The following CDH18 variants were observed in gnomAD, a reference collection of about 807,000 sequenced individuals.
CDH18 encodes the protein cadherin 18.
In CDH18, 31 loss-of-function variants were observed where a neutral mutation model predicts 67.9. That is an observed-to-expected ratio of 0.46 (90% CI 0.34 to 0.62). The LOEUF (loss-of-function observed/expected upper bound fraction) is 0.62. Ranked by LOEUF, CDH18 falls within the 20% of genes least tolerant of loss-of-function variation. The pLI is 0.01. For synonymous variants in CDH18, 362 were observed against 347.2 expected (o/e 1.04, Z -0.48); for missense variants, 890 against 975.5 (o/e 0.91, Z 1.17).
At chr5:19,792,214 T>C (rs536682971) in intron 3 of CDH18, among the ~76,000 whole-genome samples, 43 of 152,236 alleles carry the variant, frequency 2.8e-4, no homozygotes, top group African/African-American at 1.0e-3. Flanking sequence ...ATCTCATCTT[T>C]TGAGGGTCTA....
chr5:20,175,570 C>T (rs1561851536), intron 2 of CDH18, among the ~76,000 whole-genome samples: 1 of 152,076 alleles, frequency 6.6e-6, no homozygotes, highest in African/African-American at 2.4e-5. Flanking sequence ...TACAGCTAGC[C>T]TCTAATTTCG....
intron 2 of CDH18, among the ~76,000 whole-genome samples, chr5:19,911,716 C>G (rs149745578): frequency 2.0e-5 from 3 of 151,800 alleles, no homozygotes; most frequent in East Asian, 3.9e-4. Context: ...GTGAGATTCT[C>G]TAGAACTGTG....
At chr5:20,373,700 T>C (rs1472435441) in intron 1 of CDH18, among the ~76,000 whole-genome samples, 4 of 152,044 alleles carry the variant, frequency 2.6e-5, no homozygotes, top group African/African-American at 7.2e-5. Flanking sequence ...GAACTATGCC[T>C]ACCTGATTGT....
In CDH18 at chr5:19,816,398, A is replaced by G. The variant is rs144454694; in HGVS notation, c.228+22361T>C. Among the ~76,000 whole-genome samples the G allele has an allele frequency of 2.6e-5, 4 of 152,024 alleles. No individual in the cohort carries two copies. In the East Asian group the frequency reaches 7.7e-4, roughly 29 times the overall value. ...TATGCATTTATGGAGCACAACATCT[A>G]GCTAATCACAAGGACTTAGCACTTG... is the stretch of plus-strand genomic sequence containing the variant. On this transcript the variant is annotated intron_variant, in intron 3 of 12. Coordinates refer to ENST00000382275, the MANE Select transcript of CDH18 (RefSeq NM_004934.5).
chr5:20,262,969 A>G (rs1201082369), intron 1 of CDH18, among the ~76,000 whole-genome samples: 2 of 131,316 alleles, frequency 1.5e-5, no homozygotes, highest in African/African-American at 5.6e-5. Flanking sequence ...AATGGGGGAA[A>G]GAAGGGAAGG....
intron 7 of CDH18, among the ~76,000 whole-genome samples, chr5:19,581,747 A>G (rs1342663447): frequency 6.6e-6 from 1 of 152,068 alleles, no homozygotes; most frequent in African/African-American, 2.4e-5. Flanking sequence ...GACCAGGAAT[A>G]GTGACTGACA....
intron 5 of CDH18, among the ~76,000 whole-genome samples, chr5:19,672,277 G>A (rs541064959): frequency 1.3e-5 from 2 of 152,220 alleles, no homozygotes; most frequent in East Asian, 3.9e-4. Context: ...GGTCCAGCAA[G>A]TATTCTCACT....
intron 2 of CDH18, among the ~76,000 whole-genome samples, chr5:19,872,883 T>C (rs1444239610): frequency 6.6e-6 from 1 of 152,198 alleles, no homozygotes; most frequent in Non-Finnish European, 1.5e-5. Context: ...ATGTTTGTAC[T>C]TAATCTTTCC....
At chr5:19,936,089 G>A (rs1400301099) in intron 2 of CDH18, among the ~76,000 whole-genome samples, 2 of 151,158 alleles carry the variant, frequency 1.3e-5, no homozygotes, top group Non-Finnish European at 3.0e-5. Context: ...TAACACTGAG[G>A]CTTTAAGTTT....
chr5:20,043,731 G>C (rs1199151831), intron 2 of CDH18, among the ~76,000 whole-genome samples: 1 of 152,172 alleles, frequency 6.6e-6, no homozygotes, highest in African/African-American at 2.4e-5. Flanking sequence ...CTGTGACTTG[G>C]AAACTGGAAT....
At chr5:19,933,021 C>T (rs893574286) in intron 2 of CDH18, among the ~76,000 whole-genome samples, 1 of 151,370 alleles carries the variant, frequency 6.6e-6, no homozygotes, top group African/African-American at 2.4e-5. Flanking sequence ...ATACCTAATA[C>T]CTTATAGGTA....
At chr5:20,350,025 G>T (rs1455512193) in intron 1 of CDH18, among the ~76,000 whole-genome samples, 1 of 152,082 alleles carries the variant, frequency 6.6e-6, no homozygotes, top group Admixed American at 6.6e-5. Context: ...AGCAGAAATA[G>T]TAAAGCCTGG....
At chr5:20,272,300 C>G (rs1222549635) in intron 1 of CDH18, among the ~76,000 whole-genome samples, 1 of 151,818 alleles carries the variant, frequency 6.6e-6, no homozygotes, top group Non-Finnish European at 1.5e-5. Context: ...TGGATTGGGT[C>G]AAAGGTTCAA....
At chr5:19,702,032 C>T (rs758166162) in intron 5 of CDH18, among the ~76,000 whole-genome samples, 6 of 151,986 alleles carry the variant, frequency 3.9e-5, no homozygotes, top group Non-Finnish European at 8.8e-5. Context: ...CCCTTAAGCT[C>T]CTGCTTTAAG....
chr5:19,901,382 C>T (rs1022863409), intron 2 of CDH18, among the ~76,000 whole-genome samples: 1 of 151,970 alleles, frequency 6.6e-6, no homozygotes, highest in African/African-American at 2.4e-5. Context: ...TGTTCATTGT[C>T]TCCAAGACAT....
chr5:19,849,751 T>TAC (rs1554049221), intron 2 of CDH18, among the ~76,000 whole-genome samples: 1 of 84,388 alleles, frequency 1.2e-5, no homozygotes, highest in African/African-American at 3.0e-5. Flanking sequence ...AACATATATA[T>TAC]ACACGCATAT....
Position 20,116,161 on chromosome 5 carries a change from G to A in CDH18, c.-517-124147C>T, listed in dbSNP as rs548745039. ...TGTGAGGCTGCAGTGAGGATATCCA[G>A]TATTGTCAACTGGGCTACTCAATTC... On this transcript the variant is annotated intron_variant, in intron 2 of 14. Transcript: ENST00000507958. 2.0e-5 allele frequency among the ~76,000 whole-genome samples: 3 copies of A among 152,250 alleles called. No homozygotes were observed. In the East Asian group the frequency reaches 5.8e-4, roughly 29 times the overall value.
At chr5:19,770,785 C>T (rs1158458566) in intron 3 of CDH18, among the ~76,000 whole-genome samples, 1 of 152,094 alleles carries the variant, frequency 6.6e-6, no homozygotes, top group African/African-American at 2.4e-5. Context: ...TGCCATTTTG[C>T]TGTTTTTGAA....
rs370907014 is a variant in CDH18 at position 19,473,175 on chromosome 5, A to G, written c.*51T>C. On this transcript the variant is annotated 3_prime_UTR_variant, in exon 13 of 13. Transcript: ENST00000382275. ...TCTTCCTTGTCATTGCTGAGGTTGT[A>G]TATCCACTTACTCAGGAAGCAAATT... 12 of 1,581,646 alleles carry G rather than the reference A, an allele frequency of 7.6e-6. No individual in the cohort carries two copies. The highest frequency in any genetic ancestry group is 6.8e-5 in the African/African-American group (5 of 74,068).
Sources: allele counts gnomAD v4.1 joint callset (sites outside exome capture counted in the v4.1 genomes callset), GRCh38; gene constraint gnomAD v4.1.1; transcripts MANE v1.5; gene names NCBI Gene and HGNC (gene_info 2026-07-23, HGNC 2026-07-21).